The following NAPEPLD variants were observed in gnomAD, a reference collection of about 807,000 sequenced individuals.
The protein encoded by NAPEPLD is N-acyl phosphatidylethanolamine phospholipase D.
A neutral mutation model predicts 38.1 loss-of-function variants in NAPEPLD; 23 were observed. The ratio of observed to expected loss-of-function variants is 0.60; its 90% confidence interval spans 0.43 to 0.86. The LOEUF (loss-of-function observed/expected upper bound fraction) is 0.86, where lower values mean the gene tolerates loss of function less well. Ranked by LOEUF, NAPEPLD falls within the 40% of genes least tolerant of loss-of-function variation. The probability of loss-of-function intolerance (pLI) is 0.00; values close to 1 mark genes in which losing one functional copy is unlikely to be tolerated. For missense variants in NAPEPLD, 411 were observed against 476.8 expected (o/e 0.86, Z 1.28); for synonymous variants, 147 against 162.0 (o/e 0.91, Z 0.71).
chr7:103,141,703 A>G, intron 1 of NAPEPLD: 1 of 899,904 alleles, frequency 1.1e-6, no homozygotes, highest in South Asian at 1.3e-5. Flanking sequence ...CCTTCCGCTT[A>G]CCTATGCCCA....
chr7:103,120,104 T>C lies in NAPEPLD; in HGVS notation c.414A>G (p.Glu138=). The C allele has an allele frequency of 1.2e-6, 2 of 1,614,214 alleles. No individual in the cohort carries two copies. The highest frequency in any genetic ancestry group is 1.7e-6 in the Non-Finnish European group (2 of 1,180,038). ...CCGTGAGAAATATGAGCTCATCCATTTCCACCATTACCGTGGCATGTCCCA... is the reference window on the plus strand; with the variant it reads ...CCGTGAGAAATATGAGCTCATCCATCTCCACCATTACCGTGGCATGTCCCA... The part of the protein sequence containing the change: ...TWLGHATVMV[E]MDELIFLTDP... Residue 138 remains glutamate, a synonymous_variant, in exon 3 of 5, where the codon GAA becomes GAG. Coordinates refer to ENST00000465647, the MANE Select transcript of NAPEPLD (RefSeq NM_001122838.3).
chr7:103,115,124 T>C lies in NAPEPLD; in HGVS notation c.992A>G (p.His331Arg). ...HVDPEEAVRI[H>R]TDVQTKKSMA... ...AGATTTCTTTGTTTGGACATCAGTG[T>C]GAATCCTTACAGCTTCTTCTGGGTC... Residue 331 changes from histidine (H) to arginine (R), a missense_variant, in exon 4 of 5, where the codon CAC becomes CGC. Physicochemically the swap from His to Arg is conservative, Grantham distance 29. Coordinates refer to ENST00000465647, the MANE Select transcript of NAPEPLD (RefSeq NM_001122838.3). 6.2e-7 allele frequency: 1 copy of C among 1,614,106 alleles called. No homozygotes were observed.
Position 103,102,129 on chromosome 7 carries a change from T to C in NAPEPLD, c.*1300A>G, listed in dbSNP as rs963250785. The C allele has an allele frequency of 9.9e-5, 15 of 151,732 alleles. No homozygotes were observed. The highest frequency in any genetic ancestry group is 3.3e-4 in the Admixed American group (5 of 15,218). The allele number at this position is 151,732 out of a possible 1,614,324, so 9.4% of individuals were successfully genotyped here. ...AAATTATAAATCTGATTGATATATT[T>C]AGAGCTAAGAGACTCCAGGAAAAAA... is the stretch of plus-strand genomic sequence containing the variant. On this transcript the variant is annotated 3_prime_UTR_variant, in exon 5 of 5. Coordinates refer to ENST00000465647, the MANE Select transcript of NAPEPLD (RefSeq NM_001122838.3).
In NAPEPLD at chr7:103,102,361, G is replaced by C. The variant is rs998331766; in HGVS notation, c.*1068C>G. ...AGGAGAGGGCTTTCTTTTGAGACAG[G>C]GTCTCATTTTGTCGCCCAGGCTGGA... On this transcript the variant is annotated 3_prime_UTR_variant, in exon 5 of 5. Coordinates refer to ENST00000465647, the MANE Select transcript of NAPEPLD (RefSeq NM_001122838.3). 1 of 152,068 alleles carries C rather than the reference G, an allele frequency of 6.6e-6. No homozygotes were observed. Among genetic ancestry groups the C allele is most frequent in the African/African-American group, 2.4e-5 (1 of 41,392 alleles). 9.4% of individuals were successfully genotyped at this position (152,068 alleles called of 1,614,324 possible).
chr7:103,116,370 T>C (rs1805577808), intron 3 of NAPEPLD, among the ~76,000 whole-genome samples: 2 of 152,180 alleles, frequency 1.3e-5, no homozygotes, highest in African/African-American at 4.8e-5. Flanking sequence ...TGCCAGTTTT[T>C]TCACTTTATC....
In NAPEPLD at chr7:103,104,400, A is replaced by G. The variant is rs570840245; in HGVS notation, c.1057-846T>C. ...AGAAGAGGTCCGTGGACTGACTTCT[A>G]CGGCACGCACTGTTCAGAGCAAGCG... On this transcript the variant is annotated intron_variant, in intron 4 of 4. Coordinates refer to ENST00000465647, the MANE Select transcript of NAPEPLD (RefSeq NM_001122838.3). Among the ~76,000 whole-genome samples, 4 of 152,310 alleles carry G rather than the reference A, an allele frequency of 2.6e-5. No individual in the cohort carries two copies. In the South Asian group the frequency reaches 8.3e-4, roughly 32 times the overall value.
chr7:103,112,178 T>G (rs1205008577), intron 4 of NAPEPLD, among the ~76,000 whole-genome samples: 1 of 152,150 alleles, frequency 6.6e-6, no homozygotes, highest in Non-Finnish European at 1.5e-5. Context: ...GTTCAACCAC[T>G]GTGGAAGACA....
upstream of NAPEPLD, chr7:103,149,409 G>C (rs1347008717): frequency 2.4e-6 from 3 of 1,226,214 alleles, no homozygotes; most frequent in Admixed American, 9.0e-5. Flanking sequence ...TTCCTAACCC[G>C]AGCCCGCCGC....
intron 4 of NAPEPLD, among the ~76,000 whole-genome samples, chr7:103,111,111 G>C (rs913744086): frequency 6.6e-6 from 1 of 152,074 alleles, no homozygotes; most frequent in African/African-American, 2.4e-5. Context: ...AATAAGAGAG[G>C]ACACAAACAA....
intron 4 of NAPEPLD, among the ~76,000 whole-genome samples, chr7:103,112,925 G>A (rs752802845): frequency 2.6e-5 from 4 of 152,176 alleles, no homozygotes; most frequent in African/African-American, 9.6e-5. Context: ...TAAAGATGGC[G>A]GTTAGGTTTA....
intron 1 of NAPEPLD, chr7:103,141,902 C>T (rs1811473516): frequency 3.9e-6 from 4 of 1,022,210 alleles, no homozygotes; most frequent in Admixed American, 1.7e-5. Flanking sequence ...GCAGAGGACA[C>T]TAGAGGCAAG....
At chr7:103,125,798 A>C (rs1163065057) in intron 2 of NAPEPLD, among the ~76,000 whole-genome samples, 2 of 151,996 alleles carry the variant, frequency 1.3e-5, no homozygotes, top group African/African-American at 4.8e-5. Context: ...GAGGCAGAAG[A>C]ATCACTTGAA....
At chr7:103,110,323 C>T (rs577282540) in intron 4 of NAPEPLD, among the ~76,000 whole-genome samples, 8 of 152,246 alleles carry the variant, frequency 5.3e-5, no homozygotes, top group Admixed American at 6.5e-5. Flanking sequence ...TGATGAACAT[C>T]GATGCGAAAA....
chr7:103,130,297 A>G (rs1284977388), intron 1 of NAPEPLD, among the ~76,000 whole-genome samples: 1 of 152,242 alleles, frequency 6.6e-6, no homozygotes, highest in Non-Finnish European at 1.5e-5. Context: ...TGTAATCTAG[A>G]GAAGAATCAC....
intron 3 of NAPEPLD, among the ~76,000 whole-genome samples, chr7:103,116,364 A>G (rs2129528261): frequency 6.6e-6 from 1 of 152,224 alleles, no homozygotes; most frequent in South Asian, 2.1e-4. Context: ...CCCAGCTGCC[A>G]GTTTTTTCAC....
At chr7:103,118,883 G>A (rs1806064788) in intron 3 of NAPEPLD, among the ~76,000 whole-genome samples, 1 of 152,186 alleles carries the variant, frequency 6.6e-6, no homozygotes, top group South Asian at 2.1e-4. Context: ...CAAGGTTGGA[G>A]GATGAGTGGT....
At chr7:103,146,198 A>G (rs1190686278) in intron 1 of NAPEPLD, among the ~76,000 whole-genome samples, 1 of 152,198 alleles carries the variant, frequency 6.6e-6, no homozygotes, top group African/African-American at 2.4e-5. Context: ...GACCAGTTTT[A>G]GCTGGGTGTG....
In NAPEPLD at chr7:103,141,897, G is replaced by A. The variant is rs577465988; in HGVS notation, c.-17+6914C>T. On this transcript the variant is annotated intron_variant, in intron 1 of 4. Coordinates refer to ENST00000465647, the MANE Select transcript of NAPEPLD (RefSeq NM_001122838.3). ...CAGATATTCTTCTTGCCACAGCAGA[G>A]GACACTAGAGGCAAGCCTCTTCTGA... is the stretch of plus-strand genomic sequence containing the variant. 1.5e-4 allele frequency: 156 copies of A among 1,023,150 alleles called. 1 individual carries two copies. The South Asian group carries it at 1.9e-3, about 12-fold the overall frequency. 63.4% of individuals were successfully genotyped at this position (1,023,150 alleles called of 1,614,324 possible). A position where few individuals can be genotyped will look rare whatever the true frequency, so the allele number is the denominator to read the frequency against.
chr7:103,112,923 G>A (rs1247340138), intron 4 of NAPEPLD, among the ~76,000 whole-genome samples: 2 of 152,086 alleles, frequency 1.3e-5, no homozygotes, highest in African/African-American at 4.8e-5. Context: ...AATAAAGATG[G>A]CGGTTAGGTT....
Sources: gnomAD v4.1 joint callset for allele counts (sites outside exome capture counted in the v4.1 genomes callset) on GRCh38, gnomAD v4.1.1 for gene constraint, MANE v1.5 for transcripts, NCBI Gene and HGNC (gene_info 2026-07-23, HGNC 2026-07-21) for gene names.